Variants in C7orf57 observed in about 807,000 individuals in gnomAD.
C7orf57 encodes the protein uncharacterized protein C7orf57.
Under a neutral mutation model 39.0 loss-of-function variants are expected in C7orf57, and 33 were observed. The observed-to-expected ratio is 0.85, with a 90% confidence interval of 0.64 to 1.13. C7orf57 has a LOEUF of 1.13. Ranked by LOEUF, C7orf57 falls within the 50% of genes most tolerant of loss-of-function variation. The probability of loss-of-function intolerance (pLI) is 0.00; values close to 1 mark genes in which losing one functional copy is unlikely to be tolerated. For synonymous variants in C7orf57, 124 were observed against 137.1 expected (o/e 0.90, Z 0.67); for missense variants, 346 against 362.3 (o/e 0.95, Z 0.37).
intron 2 of C7orf57, among the ~76,000 whole-genome samples, chr7:48,040,951 A>T (rs777299217): frequency 7.9e-5 from 12 of 152,244 alleles, no homozygotes; most frequent in Non-Finnish European, 1.2e-4. Flanking sequence ...GGGATTTTTC[A>T]GGAATGTATA....
chr7:48,044,255 T>C (rs897137600), intron 4 of C7orf57, among the ~76,000 whole-genome samples: 13 of 151,990 alleles, frequency 8.6e-5, no homozygotes, highest in Non-Finnish European at 1.9e-4. Context: ...TGGTGGACTG[T>C]GAGTGAAAGC....
At position 48,035,582 on chromosome 7, in the gene C7orf57, C is replaced by A. The variant is rs1377430382; in HGVS notation, c.-150C>A. 1.4e-6 allele frequency: 1 copy of A among 696,498 alleles called. No homozygotes were observed. 43.1% of individuals were successfully genotyped at this position (696,498 alleles called of 1,614,324 possible). On this transcript the variant is annotated 5_prime_UTR_variant, in exon 1 of 9. Coordinates refer to ENST00000348904, the MANE Select transcript of C7orf57 (RefSeq NM_001100159.3). This position sits in a 1 kb window ranked among gnomAD's most constrained non-coding sequence, Gnocchi z 4.0. ...GCAGCCAGCCAGCCGTGTAAAAACT[C>A]CAACGCCGGGCGCCGCGGGCAGCAC...
chr7:48,057,820 T>TA (rs1346012253), intron 8 of C7orf57, among the ~76,000 whole-genome samples: 1 of 152,210 alleles, frequency 6.6e-6, no homozygotes, highest in African/African-American at 2.4e-5. Context: ...GAGTTTTTTT[T>TA]ATCATAAAAG....
At chr7:48,054,861 G>GATTATTATT (rs1436631215) in intron 8 of C7orf57, among the ~76,000 whole-genome samples, 2 of 151,582 alleles carry the variant, frequency 1.3e-5, no homozygotes. Context: ...TGATGATGAT[G>GATTATTATT]ATGATGATTA....
At chr7:48,042,524 AAAT>A (rs1170316501) in intron 3 of C7orf57, among the ~76,000 whole-genome samples, 1 of 152,240 alleles carries the variant, frequency 6.6e-6, no homozygotes, top group East Asian at 1.9e-4. Flanking sequence ...ACGACAATAA[AAAT>A]AATAATGAGA....
At position 48,046,522 on chromosome 7, in the gene C7orf57, A is replaced by G; in HGVS notation, c.413A>G (p.Asn138Ser). 1.2e-6 allele frequency: 2 copies of G among 1,613,954 alleles called. No individual in the cohort carries two copies. Among genetic ancestry groups the G allele is most frequent in the South Asian group, 1.1e-5 (1 of 91,062 alleles). Residue 138 changes from asparagine (N) to serine (S), a missense_variant, in exon 5 of 9, where the codon AAT (asparagine) becomes AGT (serine). Physicochemically the swap from Asn to Ser is conservative, Grantham distance 46. Transcript: ENST00000348904. ...GAAGAATTTAACCCCGATCAAGCCA[A>G]TGGTAGCTATGCATCCAGAAGAGGG... ...VHEEFNPDQA[N>S]GSYASRRGPF...
chr7:48,053,228 CT>C (rs1448574209), intron 7 of C7orf57: 1 of 403,940 alleles, frequency 2.5e-6, no homozygotes, highest in East Asian at 5.8e-5. Flanking sequence ...ATAGTATCAA[CT>C]TTTAATCTTC....
rs1231553314 is a variant in C7orf57 at position 48,035,863 on chromosome 7, G to A, written c.-102+233G>A. Among the ~76,000 whole-genome samples, 1 of 151,860 alleles carries A rather than the reference G, an allele frequency of 6.6e-6. No individual in the cohort carries two copies. Among genetic ancestry groups the A allele is most frequent in the East Asian group, 1.9e-4 (1 of 5,156 alleles). ...TACTTGCTGTGTCCCTGGCGTGGACGTGCCTGTACTGGATACCCGGCGTGA... is the reference window on the plus strand; with the variant it reads ...TACTTGCTGTGTCCCTGGCGTGGACATGCCTGTACTGGATACCCGGCGTGA... On this transcript the variant is annotated intron_variant, in intron 1 of 8. Coordinates refer to ENST00000348904, the MANE Select transcript of C7orf57 (RefSeq NM_001100159.3). The surrounding 1 kb of genome is among the most constrained non-coding windows in gnomAD (Gnocchi z 4.0).
chr7:48,051,763 TTTCTTTC>T (rs1275886730), intron 6 of C7orf57, among the ~76,000 whole-genome samples: 4 of 32,402 alleles, frequency 1.2e-4, no homozygotes, highest in Admixed American at 3.0e-4. Flanking sequence ...TCTTTCTTTC[TTTCTTTC>T]TTTCTTTCTT....
Position 48,052,683 on chromosome 7 carries a change from C to G in C7orf57, c.606-17C>G, listed in dbSNP as rs373191458. 3.1e-6 allele frequency: 5 copies of G among 1,606,120 alleles called. No individual in the cohort carries two copies. The South Asian group carries it at 5.5e-5, about 18-fold the overall frequency. The stretch of plus-strand genomic sequence containing the variant: ...ACCCTTGTACTTAAGTTTCACATTA[C>G]TTTTACTCTTTTTAAGGCCTGGTCA... On this transcript the variant is annotated splice_polypyrimidine_tract_variant and intron_variant, in intron 6 of 8. Coordinates refer to ENST00000348904, the MANE Select transcript of C7orf57 (RefSeq NM_001100159.3).
intron 4 of C7orf57, among the ~76,000 whole-genome samples, chr7:48,044,311 C>A (rs974015805): frequency 6.6e-6 from 1 of 151,980 alleles, no homozygotes; most frequent in South Asian, 2.1e-4. Flanking sequence ...TGTGCAGTTG[C>A]GAGATTTAAT....
At chr7:48,051,951 TC>T (rs1790963017) in intron 6 of C7orf57, among the ~76,000 whole-genome samples, 1 of 135,862 alleles carries the variant, frequency 7.4e-6, no homozygotes, top group African/African-American at 3.1e-5. Context: ...TTTTTTTCTT[TC>T]TTTTTTTTTT....
At chr7:48,055,078 G>A (rs1444831824) in intron 8 of C7orf57, among the ~76,000 whole-genome samples, 3 of 151,970 alleles carry the variant, frequency 2.0e-5, no homozygotes, top group Admixed American at 1.3e-4. Context: ...GGGTTTCACC[G>A]TGTTAGCCAG....
At position 48,060,978 on chromosome 7, in the gene C7orf57, G is replaced by A. The variant is rs992328844; in HGVS notation, c.*706G>A. On this transcript the variant is annotated 3_prime_UTR_variant, in exon 9 of 9. Transcript: ENST00000348904. Reference sequence around the variant, plus strand: ...TACCTTGTTTTATAAATGTTAAATTGTTTATATTTAAGTAATTAGCTTAAA... The same window carrying A: ...TACCTTGTTTTATAAATGTTAAATTATTTATATTTAAGTAATTAGCTTAAA... The A allele has an allele frequency of 1.3e-4, 20 of 151,926 alleles. 1 individual carries two copies. Among genetic ancestry groups the A allele is most frequent in the South Asian group, 8.3e-4 (4 of 4,808 alleles). The allele number at this position is 151,926 out of a possible 1,614,324, so 9.4% of individuals were successfully genotyped here.
chr7:48,054,549 T>C, intron 7 of C7orf57, 46 bp from the exon 8 acceptor site: 1 of 1,484,586 alleles, frequency 6.7e-7, no homozygotes, highest in South Asian at 1.2e-5. Flanking sequence ...TTTTAATACT[T>C]GATCTGTTTC....
intron 3 of C7orf57, 90 bp downstream of exon 3, chr7:48,041,609 C>A: frequency 9.2e-7 from 1 of 1,091,718 alleles, no homozygotes; most frequent in Non-Finnish European, 1.3e-6. Context: ...AAAAATATTA[C>A]TACAGAGTCT....
At chr7:48,054,967 C>T (rs970663967) in intron 8 of C7orf57, among the ~76,000 whole-genome samples, 10 of 152,180 alleles carry the variant, frequency 6.6e-5, no homozygotes, top group Non-Finnish European at 7.3e-5. Context: ...AGCTCCGCCT[C>T]CCGGGTTCAC....
chr7:48,053,176 T>C (rs1791012063), intron 7 of C7orf57: 1 of 598,542 alleles, frequency 1.7e-6, no homozygotes, highest in South Asian at 1.6e-5. Context: ...TTGTCAAAAA[T>C]TTTGATAGTC....
At chr7:48,059,308 G>A (rs935967769) in intron 8 of C7orf57, among the ~76,000 whole-genome samples, 1 of 152,138 alleles carries the variant, frequency 6.6e-6, no homozygotes, top group Non-Finnish European at 1.5e-5. Context: ...TCTCCACTTA[G>A]AGTGTGTTGC....
Sources: gnomAD v4.1 joint callset for allele counts (sites outside exome capture counted in the v4.1 genomes callset) on GRCh38, gnomAD v4.1.1 for gene constraint, Gnocchi (gnomAD v3.1) non-coding constraint, MANE v1.5 for transcripts, NCBI Gene and HGNC (gene_info 2026-07-23, HGNC 2026-07-21) for gene names.